ROBO2: variants seen among roughly 807,000 people sequenced by gnomAD.
ROBO2 encodes roundabout homolog 2.
In ROBO2, 53 loss-of-function variants were observed where a neutral mutation model predicts 160.8. The ratio of observed to expected loss-of-function variants is 0.33; its 90% CI spans 0.26 to 0.41. ROBO2 has a LOEUF of 0.41. Ranked by LOEUF, ROBO2 falls within the 10% of genes least tolerant of loss-of-function variation. ROBO2 has a pLI of 1.00. For synonymous variants in ROBO2, 664 were observed against 611.7 expected (o/e 1.09, Z -1.26); for missense variants, 1,577 against 1,722.4 (o/e 0.92, Z 1.49).
intron 3 of ROBO2, among the ~76,000 whole-genome samples, chr3:77,479,165 G>A (rs530192135): frequency 7.9e-5 from 12 of 152,248 alleles, no homozygotes; most frequent in African/African-American, 2.6e-4. Flanking sequence ...TGGGAGAGGT[G>A]GTGACAAGTT....
At chr3:77,326,032 T>C (rs1241490255) in intron 2 of ROBO2, among the ~76,000 whole-genome samples, 1 of 152,208 alleles carries the variant, frequency 6.6e-6, no homozygotes, top group East Asian at 1.9e-4. Flanking sequence ...TAGAAAACAT[T>C]TGCTCATTTT....
Position 77,282,381 on chromosome 3 carries a change from A to G in ROBO2, c.388+184041A>G, listed in dbSNP as rs138046295. ...GGCTGTTGTATGGTAGCTGACAGGT[A>G]CTGCTGATGAAATTTTACTAAGTGA... On this transcript the variant is annotated intron_variant, in intron 2 of 25. Transcript: ENST00000461745. 3.0e-3 allele frequency among the ~76,000 whole-genome samples: 459 copies of G among 152,258 alleles called. 5 individuals carry two copies. Among genetic ancestry groups the G allele is most frequent in the African/African-American group, 0.011 (438 of 41,554 alleles).
chr3:77,174,579 T>C (rs2079952425), intron 2 of ROBO2, among the ~76,000 whole-genome samples: 1 of 152,040 alleles, frequency 6.6e-6, no homozygotes, highest in Non-Finnish European at 1.5e-5. Flanking sequence ...AGGAAGTTAT[T>C]GTATGTGAAT....
intron 2 of ROBO2, among the ~76,000 whole-genome samples, chr3:76,039,764 C>CTT (rs2067225329): frequency 6.6e-6 from 1 of 151,896 alleles, no homozygotes; most frequent in Non-Finnish European, 1.5e-5. Context: ...TAGTATATGA[C>CTT]TGATGAAGAG....
chr3:76,414,148 C>A (rs1299022010), intron 2 of ROBO2, among the ~76,000 whole-genome samples: 1 of 149,420 alleles, frequency 6.7e-6, no homozygotes, highest in African/African-American at 2.6e-5. Context: ...ATTCAATTAC[C>A]TCCCCCTGGT....
chr3:76,868,814 C>T (rs960517597), intron 2 of ROBO2, among the ~76,000 whole-genome samples: 3 of 150,776 alleles, frequency 2.0e-5, no homozygotes, highest in Admixed American at 1.3e-4. Flanking sequence ...ATAAATAACA[C>T]GTATTGTGCT....
intron 2 of ROBO2, among the ~76,000 whole-genome samples, chr3:75,982,299 T>A (rs1486391204): frequency 6.6e-6 from 1 of 151,496 alleles, no homozygotes; most frequent in Non-Finnish European, 1.5e-5. Context: ...AGCAGTGGGA[T>A]TGCTAGATCA....
chr3:76,617,523 A>G (rs1331660652), intron 2 of ROBO2, among the ~76,000 whole-genome samples: 2 of 152,170 alleles, frequency 1.3e-5, no homozygotes, highest in Admixed American at 6.5e-5. Context: ...TATATCTCAT[A>G]TGATATTGTT....
chr3:77,291,927 A>C (rs1237579867), intron 2 of ROBO2, among the ~76,000 whole-genome samples: 1 of 151,844 alleles, frequency 6.6e-6, no homozygotes, highest in Non-Finnish European at 1.5e-5. Flanking sequence ...GACGTGAAGT[A>C]AAATTGACGG....
chr3:76,492,534 G>T (rs1239693428), intron 2 of ROBO2, among the ~76,000 whole-genome samples: 1 of 148,174 alleles, frequency 6.7e-6, no homozygotes, highest in Non-Finnish European at 1.5e-5. Context: ...TAAGAACTTT[G>T]ACATTTAGTT....
intron 2 of ROBO2, among the ~76,000 whole-genome samples, chr3:76,893,889 T>G (rs1434864858): frequency 6.6e-6 from 1 of 152,104 alleles, no homozygotes; most frequent in Non-Finnish European, 1.5e-5. Context: ...AAGATCAACT[T>G]TTTAGCTCCC....
At chr3:76,688,149 T>C (rs1207767745) in intron 2 of ROBO2, among the ~76,000 whole-genome samples, 1 of 152,068 alleles carries the variant, frequency 6.6e-6, no homozygotes, top group African/African-American at 2.4e-5. Context: ...TTATGTAATA[T>C]TGTATGGTGT....
chr3:77,085,338 G>C (rs1475892024), intron 1 of ROBO2, among the ~76,000 whole-genome samples: 1 of 152,076 alleles, frequency 6.6e-6, no homozygotes, highest in Non-Finnish European at 1.5e-5. Context: ...CTATAATTTT[G>C]TAAACAGAGC....
At chr3:77,573,684 G>A (rs937939316) in intron 13 of ROBO2, among the ~76,000 whole-genome samples, 1 of 151,980 alleles carries the variant, frequency 6.6e-6, no homozygotes, top group Non-Finnish European at 1.5e-5. Context: ...TATACATGAT[G>A]TCCTCACATT....
chr3:75,916,014 T>C (rs1301307090), intron 1 of ROBO2, among the ~76,000 whole-genome samples: 1 of 152,200 alleles, frequency 6.6e-6, no homozygotes, highest in Non-Finnish European at 1.5e-5. Context: ...TCTTTATCTA[T>C]AGAGCTGATA....
chr3:77,013,233 T>A (rs1163996568), intron 2 of ROBO2, among the ~76,000 whole-genome samples: 1 of 152,076 alleles, frequency 6.6e-6, no homozygotes, highest in East Asian at 1.9e-4. Context: ...AAAATAATGA[T>A]AAGATAAATT....
intron 1 of ROBO2, among the ~76,000 whole-genome samples, chr3:77,078,082 T>C (rs1274551008): frequency 5.9e-5 from 9 of 152,164 alleles, no homozygotes; most frequent in African/African-American, 2.2e-4. Context: ...TTAAAAGTAA[T>C]TTATTGACTA....
rs560591744 is a variant in ROBO2 at position 76,394,565 on chromosome 3, G to A, written c.109+456963G>A. 2.7e-4 allele frequency among the ~76,000 whole-genome samples: 41 copies of A among 151,972 alleles called. 1 individual carries two copies. The highest frequency in any genetic ancestry group is 7.8e-4 in the East Asian group (4 of 5,148). ...GACTGCCCTTAACATTTTTTCCTTC[G>A]TTTCAACTTTAATGAATCTGACAAT... On this transcript the variant is annotated intron_variant, in intron 2 of 26. Coordinates refer to the ROBO2 transcript ENST00000487694.
At chr3:76,024,232 C>T (rs2066661808) in intron 2 of ROBO2, among the ~76,000 whole-genome samples, 2 of 151,144 alleles carry the variant, frequency 1.3e-5, no homozygotes, top group African/African-American at 2.4e-5. Flanking sequence ...AGAAAATGAC[C>T]CCTTAAATCG....
Sources: allele counts gnomAD v4.1 joint callset (sites outside exome capture counted in the v4.1 genomes callset), GRCh38; gene constraint gnomAD v4.1.1; transcripts MANE v1.5; gene names NCBI Gene and HGNC (gene_info 2026-07-23, HGNC 2026-07-21).